RUNX2: variants seen among roughly 807,000 people sequenced by gnomAD.
The protein encoded by RUNX2 is RUNX family transcription factor 2, also known as runt-related transcription factor 2.
Under a neutral mutation model 51.7 loss-of-function variants are expected in RUNX2, and 10 were observed. The ratio of observed to expected loss-of-function variants is 0.19; its 90% CI spans 0.12 to 0.33. RUNX2 has a LOEUF of 0.33. Ranked by LOEUF, RUNX2 falls within the 10% of genes least tolerant of loss-of-function variation. The pLI, the probability that RUNX2 is intolerant of heterozygous loss-of-function variation, is 1.00. For missense variants in RUNX2, 562 were observed against 691.3 expected, an observed-to-expected ratio of 0.81 and a Z score of 2.10; for synonymous variants, 276 against 273.6, an observed-to-expected ratio of 1.01 and a Z score of -0.09.
chr6:45,435,368 T>A (rs2150370210), intron 4 of RUNX2, among the ~76,000 whole-genome samples: 1 of 152,336 alleles, frequency 6.6e-6, no homozygotes, highest in Non-Finnish European at 1.5e-5. Context: ...TATCTTTTTT[T>A]CTTTTTTGAG....
At chr6:45,534,076 G>A (rs1801954465) in intron 7 of RUNX2, among the ~76,000 whole-genome samples, 1 of 151,834 alleles carries the variant, frequency 6.6e-6, no homozygotes, top group Admixed American at 6.6e-5. Flanking sequence ...TGTATTTTTA[G>A]TAGAGATGGG....
rs143512072 is a variant in RUNX2, at chr6:45,544,936, A to G, written c.1022-281A>G. On this transcript the variant is annotated intron_variant, in intron 7 of 8. Transcript: ENST00000647337. ...TTTTTGGGAGGAATAGGTAGAGGCTAGTTGAGGATGGAAGAATTTATAAAA... is the reference window on the plus strand; with the variant it reads ...TTTTTGGGAGGAATAGGTAGAGGCTGGTTGAGGATGGAAGAATTTATAAAA... 5.3e-3 allele frequency among the ~76,000 whole-genome samples: 810 copies of G among 152,326 alleles called. 1 individual carries two copies. The highest frequency in any genetic ancestry group is 9.3e-3 in the Non-Finnish European group (631 of 68,028).
intron 2 of RUNX2, among the ~76,000 whole-genome samples, chr6:45,419,366 G>A (rs1000434288): frequency 6.6e-6 from 1 of 151,256 alleles, no homozygotes; most frequent in Non-Finnish European, 1.5e-5. Flanking sequence ...AACAAAAAAC[G>A]AGCCAGGGAT....
chr6:45,336,574 A>G (rs1056595152), intron 2 of RUNX2, among the ~76,000 whole-genome samples: 2 of 151,488 alleles, frequency 1.3e-5, no homozygotes, highest in Non-Finnish European at 3.0e-5. Context: ...TTAAATTGCT[A>G]AATTATTTAA....
chr6:45,490,920 A>G (rs1293359988), intron 5 of RUNX2, among the ~76,000 whole-genome samples: 1 of 152,048 alleles, frequency 6.6e-6, no homozygotes, highest in Non-Finnish European at 1.5e-5. Flanking sequence ...CTCTATTAGC[A>G]TTGCATTTGT....
At chr6:45,502,285 C>A (rs1226421397) in intron 6 of RUNX2, among the ~76,000 whole-genome samples, 1 of 152,132 alleles carries the variant, frequency 6.6e-6, no homozygotes, top group Non-Finnish European at 1.5e-5. Flanking sequence ...GTTTGTTCTG[C>A]TCTTTCTATG....
At chr6:45,352,018 C>T (rs1005848549) in intron 2 of RUNX2, among the ~76,000 whole-genome samples, 1 of 152,180 alleles carries the variant, frequency 6.6e-6, no homozygotes, top group Non-Finnish European at 1.5e-5. Context: ...AACTCCCCTA[C>T]CTCAAATCTT....
chr6:45,458,067 T>C (rs1393867219), intron 5 of RUNX2, among the ~76,000 whole-genome samples: 1 of 147,306 alleles, frequency 6.8e-6, no homozygotes, highest in Non-Finnish European at 1.5e-5. Flanking sequence ...TTGCCTAGCC[T>C]GGAGGCTGGA....
At chr6:45,441,231 A>G (rs1254201107) in intron 5 of RUNX2, among the ~76,000 whole-genome samples, 1 of 152,086 alleles carries the variant, frequency 6.6e-6, no homozygotes. Flanking sequence ...TGTTGTTGGA[A>G]TTTCACTCCT....
intron 2 of RUNX2, among the ~76,000 whole-genome samples, chr6:45,412,864 C>A (rs979242086): frequency 6.6e-6 from 1 of 152,172 alleles, no homozygotes; most frequent in East Asian, 1.9e-4. Context: ...CCTGCCTCAG[C>A]CTCCCTGAGT....
chr6:45,386,068 CT>C (rs112684794), intron 2 of RUNX2, among the ~76,000 whole-genome samples: 1,908 of 134,942 alleles, frequency 0.014, 34 homozygotes, highest in African/African-American at 0.042. Flanking sequence ...CTTATTAGTG[CT>C]TTTTTTTTTT....
At position 45,437,932 on chromosome 6, in the gene RUNX2, C is replaced by A. The variant is rs954604070; in HGVS notation, c.581-15C>A. 2 of 1,578,616 alleles carry A rather than the reference C, an allele frequency of 1.3e-6. No homozygotes were observed. The highest frequency in any genetic ancestry group is 2.2e-5 in the East Asian group (1 of 44,678). On this transcript the variant is annotated splice_polypyrimidine_tract_variant and intron_variant, in intron 4 of 8. Transcript: ENST00000647337. ...TTTAATATTCACTGTATATTTTCCC[C>A]TTTTATATCTGCAGGCAAGAGTTTC...
chr6:45,519,696 T>G (rs1163611806), intron 7 of RUNX2, among the ~76,000 whole-genome samples: 1 of 152,014 alleles, frequency 6.6e-6, no homozygotes, highest in African/African-American at 2.4e-5. Context: ...AATATGCATT[T>G]AAGTTCCTCC....
rs764523126 is a variant in RUNX2 at position 45,549,732 on chromosome 6, G to A, written c.*2427G>A. ...ATTTAATTAAAAAGGTACTATATTT[G>A]TACATTATTTTTTAATGTTAAAAGG... On this transcript the variant is annotated 3_prime_UTR_variant, in exon 9 of 9. Coordinates refer to ENST00000647337, the MANE Select transcript of RUNX2 (RefSeq NM_001024630.4). 5.4e-6 allele frequency: 1 copy of A among 183,986 alleles called. No individual in the cohort carries two copies. The highest frequency in any genetic ancestry group is 1.1e-5 in the Non-Finnish European group (1 of 89,368). The allele number at this position is 183,986 out of a possible 1,614,324, so 11.4% of individuals were successfully genotyped here.
rs754711247 is a variant in RUNX2 at position 45,422,832 on chromosome 6, C to G, written c.298C>G (p.Arg100Gly). 3 of 1,608,086 alleles carry G rather than the reference C, an allele frequency of 1.9e-6. No individual in the cohort carries two copies. Among genetic ancestry groups the G allele is most frequent in the African/African-American group, 2.7e-5 (2 of 74,580 alleles). Residue 100 changes from arginine to glycine, a missense_variant, in exon 3 of 9, where the codon CGC becomes GGC. This residue lies in a region of RUNX2 where 153 missense variants were observed against 144.8 expected (regional missense o/e 1.06). Coordinates refer to ENST00000647337, the MANE Select transcript of RUNX2 (RefSeq NM_001024630.4). ...CCGGTTGCGGCCGCCCCACGACAAC[C>G]GCACCATGGTGGAGATCATCGCCGA... ...VPRLRPPHDN[R>G]TMVEIIADHP... is the part of the protein sequence containing the mutation.
intron 5 of RUNX2, among the ~76,000 whole-genome samples, chr6:45,445,451 C>T (rs957482654): frequency 4.6e-5 from 7 of 152,196 alleles, no homozygotes; most frequent in Admixed American, 2.0e-4. Flanking sequence ...ACAGTTCTTG[C>T]ATTCACATTC....
intron 2 of RUNX2, among the ~76,000 whole-genome samples, chr6:45,398,755 C>G (rs1396627211): frequency 6.6e-6 from 1 of 152,180 alleles, no homozygotes; most frequent in African/African-American, 2.4e-5. Flanking sequence ...TAATAGCTAT[C>G]TTTTAATAAG....
chr6:45,474,336 T>C (rs1190997225), intron 5 of RUNX2, among the ~76,000 whole-genome samples: 1 of 151,888 alleles, frequency 6.6e-6, no homozygotes, highest in East Asian at 1.9e-4. Flanking sequence ...TAGGAAAAGA[T>C]ATTAAACAAT....
chr6:45,398,431 A>C (rs754128740), intron 2 of RUNX2, among the ~76,000 whole-genome samples: 15 of 152,222 alleles, frequency 9.9e-5, no homozygotes, highest in Non-Finnish European at 1.8e-4. Flanking sequence ...TTTTCCTTAA[A>C]ATATTTATAT....
Sources: allele counts gnomAD v4.1 joint callset (sites outside exome capture counted in the v4.1 genomes callset), GRCh38; gene constraint gnomAD v4.1.1; regional missense constraint gnomAD v4.1.1; transcripts MANE v1.5; gene names NCBI Gene and HGNC (gene_info 2026-07-23, HGNC 2026-07-21).